Variants in KLF8 observed in about 807,000 individuals in gnomAD.
KLF8 encodes the protein KLF transcription factor 8, also known as Krueppel-like factor 8.
A neutral mutation model predicts 18.2 loss-of-function variants in KLF8; 10 were observed. That is an observed-to-expected ratio of 0.55 (90% CI 0.34 to 0.93). The LOEUF is 0.93. Ranked by LOEUF, KLF8 falls within the 40% of genes least tolerant of loss-of-function variation. The probability of loss-of-function intolerance (pLI) is 0.02; values close to 1 mark genes in which losing one functional copy is unlikely to be tolerated. For missense variants in KLF8, 264 were observed against 277.9 expected, an observed-to-expected ratio of 0.95 and a Z score of 0.36; for synonymous variants, 109 against 97.3, an observed-to-expected ratio of 1.12 and a Z score of -0.71.
chrX:56,256,793 C>T (rs1602435534), intron 2 of KLF8, among the ~76,000 whole-genome samples: 1 of 111,429 alleles, frequency 9.0e-6, no homozygotes, highest in East Asian at 2.8e-4. Flanking sequence ...AACTTCTGTC[C>T]CCTGAGTTCA....
chrX:56,124,053 G>A, the KLF8 span, among the ~76,000 whole-genome samples: 2 of 111,588 alleles, frequency 1.8e-5, no homozygotes, highest in African/African-American at 3.3e-5. Context: ...ACAATACATT[G>A]TAGTTATTTT....
chrX:56,198,711 AC>A, the KLF8 span, among the ~76,000 whole-genome samples: 1 of 112,104 alleles, frequency 8.9e-6, no homozygotes, highest in African/African-American at 3.2e-5. Flanking sequence ...GCTACCAAGG[AC>A]TTTCTTCACA....
chrX:56,194,260 G>A, the KLF8 span, among the ~76,000 whole-genome samples: 5,047 of 111,292 alleles, frequency 0.045, 298 homozygotes, highest in African/African-American at 0.16. Flanking sequence ...GCAGGGCAGG[G>A]CGTCACGTCT....
chrX:56,148,302 T>C, the KLF8 span, among the ~76,000 whole-genome samples: 1 of 111,791 alleles, frequency 8.9e-6, no homozygotes, highest in Admixed American at 9.5e-5. Context: ...CTTCCTTTTC[T>C]TTACTGTTGT....
chrX:55,964,084 A>G, the KLF8 span, among the ~76,000 whole-genome samples: 1 of 111,730 alleles, frequency 9.0e-6, no homozygotes, highest in African/African-American at 3.3e-5. Flanking sequence ...GAAACCAGGG[A>G]TACAACATAC....
At chrX:56,144,110 C>A in the KLF8 span, among the ~76,000 whole-genome samples, 4 of 111,945 alleles carry the variant, frequency 3.6e-5, no homozygotes, top group Admixed American at 3.8e-4. Flanking sequence ...TAGTCTGGGG[C>A]AACTGGATAT....
At chrX:56,055,585 A>T in the KLF8 span, among the ~76,000 whole-genome samples, 1 of 111,536 alleles carries the variant, frequency 9.0e-6, no homozygotes, top group Non-Finnish European at 1.9e-5. Context: ...GATTCTCTGC[A>T]TTTTTTGAAT....
the KLF8 span, among the ~76,000 whole-genome samples, chrX:56,002,642 A>T: frequency 1.8e-5 from 2 of 112,206 alleles, no homozygotes; most frequent in Admixed American, 1.9e-4. Context: ...CACTCAATGA[A>T]TATTTGCTGA....
chrX:56,171,870 T>C, the KLF8 span, among the ~76,000 whole-genome samples: 1 of 111,531 alleles, frequency 9.0e-6, no homozygotes, highest in Non-Finnish European at 1.9e-5. Flanking sequence ...TGATGTATAA[T>C]CCTTTGGGTA....
the KLF8 span, among the ~76,000 whole-genome samples, chrX:56,188,656 T>G: frequency 1.8e-5 from 2 of 111,973 alleles, no homozygotes; most frequent in Non-Finnish European, 3.8e-5. Flanking sequence ...AGCACGGTAC[T>G]GGTACCAAAA....
At chrX:56,144,360 C>A in the KLF8 span, among the ~76,000 whole-genome samples, 3 of 109,579 alleles carry the variant, frequency 2.7e-5, no homozygotes, top group African/African-American at 1.0e-4. Context: ...CATCAGTGGG[C>A]ATCATCAAGA....
At chrX:55,940,633 T>G in the KLF8 span, among the ~76,000 whole-genome samples, 1 of 111,531 alleles carries the variant, frequency 9.0e-6, no homozygotes, top group Non-Finnish European at 1.9e-5. Flanking sequence ...AAAACCCCAT[T>G]GTCTCAGCCC....
At chrX:56,161,871 C>G in the KLF8 span, among the ~76,000 whole-genome samples, 1 of 111,690 alleles carries the variant, frequency 9.0e-6, no homozygotes, top group African/African-American at 3.3e-5. Context: ...TCCAGTTTTT[C>G]TGCTCTGTTT....
At chrX:56,174,713 A>C in the KLF8 span, among the ~76,000 whole-genome samples, 1 of 111,121 alleles carries the variant, frequency 9.0e-6, no homozygotes, top group Admixed American at 9.6e-5. Context: ...TCGGCTGTGA[A>C]TCTATCTGGT....
At chrX:55,964,136 G>A in the KLF8 span, among the ~76,000 whole-genome samples, 2 of 111,647 alleles carry the variant, frequency 1.8e-5, no homozygotes, top group Non-Finnish European at 3.8e-5. Flanking sequence ...TAAGAGGAAA[G>A]TTTATAGCAC....
chrX:56,205,347 G>T, the KLF8 span, among the ~76,000 whole-genome samples: 1 of 111,765 alleles, frequency 8.9e-6, no homozygotes, highest in Middle Eastern at 4.2e-3. Flanking sequence ...ATTATGGGAA[G>T]ATTTAAATAT....
chrX:56,175,517 C>T, the KLF8 span, among the ~76,000 whole-genome samples: 13 of 111,472 alleles, frequency 1.2e-4, no homozygotes, highest in South Asian at 4.5e-3. Context: ...TTACTTCCAA[C>T]TATGTGGTGA....
At chrX:56,209,181 A>C in the KLF8 span, among the ~76,000 whole-genome samples, 2 of 111,655 alleles carry the variant, frequency 1.8e-5, no homozygotes, top group African/African-American at 6.5e-5. Context: ...CTTCTTGCTG[A>C]ATTGACCCCT....
chrX:55,929,836 TC>T, the KLF8 span, among the ~76,000 whole-genome samples: 2 of 109,911 alleles, frequency 1.8e-5, no homozygotes, highest in Non-Finnish European at 3.8e-5. Context: ...CTTTTTTTTT[TC>T]CACTGAGGAT....
Sources: allele counts gnomAD v4.1 joint callset (sites outside exome capture counted in the v4.1 genomes callset), GRCh38; gene constraint gnomAD v4.1.1; transcripts MANE v1.5; gene names NCBI Gene and HGNC (gene_info 2026-07-23, HGNC 2026-07-21).